Variants in NR5A1 observed in about 807,000 individuals in gnomAD.
NR5A1 encodes the protein steroidogenic factor 1.
Under a neutral mutation model 42.7 loss-of-function variants are expected in NR5A1, and 6 were observed. The ratio of observed to expected loss-of-function variants is 0.14; its 90% CI spans 0.08 to 0.28. The LOEUF (loss-of-function observed/expected upper bound fraction) is 0.28. Among genes scored for constraint, NR5A1 ranks in the 10% least tolerant of loss-of-function variants. NR5A1 has a pLI of 1.00. For missense variants in NR5A1, 442 were observed against 626.4 expected, an observed-to-expected ratio of 0.71 and a Z score of 3.14; for synonymous variants, 274 against 277.5, an observed-to-expected ratio of 0.99 and a Z score of 0.12.
At chr9:124,491,982 C>T (rs1832317448) in intron 5 of NR5A1, among the ~76,000 whole-genome samples, 1 of 152,122 alleles carries the variant, frequency 6.6e-6, no homozygotes, top group African/African-American at 2.4e-5. Context: ...ACTGCAGGCA[C>T]CTGCGCTCAC....
intron 5 of NR5A1, among the ~76,000 whole-genome samples, 169 bp from the exon 6 acceptor site, chr9:124,491,397 C>T (rs1832307018): frequency 6.6e-6 from 1 of 152,144 alleles, no homozygotes; most frequent in South Asian, 2.1e-4. Flanking sequence ...GTAACATCTG[C>T]ACAGCCCCGG....
At position 124,482,416 on chromosome 9, in the gene NR5A1, A is replaced by C. The variant is rs1832139556; in HGVS notation, c.*342T>G. 1.1e-5 allele frequency: 4 copies of C among 376,058 alleles called. No homozygotes were observed. Among genetic ancestry groups the C allele is most frequent in the South Asian group, 2.2e-5 (1 of 44,740 alleles). The allele number at this position is 376,058 out of a possible 1,614,324, so 23.3% of individuals were successfully genotyped here. On this transcript the variant is annotated 3_prime_UTR_variant, in exon 7 of 7. Coordinates refer to ENST00000373588, the MANE Select transcript of NR5A1 (RefSeq NM_004959.5). ...AAGGGACGTCGAGGCCCACCAGGGA[A>C]TCCCGAACCTCCTCCCCGGACCTGC...
In NR5A1 at chr9:124,490,986, C is replaced by T. The variant is rs1832298315; in HGVS notation, c.1138+95G>A. On this transcript the variant is annotated intron_variant, in intron 6 of 6. Transcript: ENST00000373588. ...TCCCCGAGGCTCCTTCGTGGCCACT[C>T]TGGCCACAGCAGGGCTACCTCTCCA... 3 of 1,496,586 alleles carry T rather than the reference C, an allele frequency of 2.0e-6. No individual in the cohort carries two copies. In the South Asian group the frequency reaches 3.7e-5, roughly 18 times the overall value. 92.7% of individuals were successfully genotyped at this position (1,496,586 alleles called of 1,614,324 possible). A position where few individuals can be genotyped will look rare whatever the true frequency, so the allele number is the denominator to read the frequency against.
intron 4 of NR5A1, among the ~76,000 whole-genome samples, chr9:124,495,074 G>A (rs1337921023): frequency 3.3e-5 from 5 of 152,164 alleles, no homozygotes; most frequent in African/African-American, 9.7e-5. Context: ...GGCCCACGTG[G>A]TGGAAAAGAG....
rs1832147997 is a variant in NR5A1, at chr9:124,482,732, G to A, written c.*26C>T. 3 of 266,756 alleles carry A rather than the reference G, an allele frequency of 1.1e-5. No homozygotes were observed. Among genetic ancestry groups the A allele is most frequent in the Non-Finnish European group, 1.8e-5 (3 of 163,622 alleles). 16.5% of individuals were successfully genotyped at this position (266,756 alleles called of 1,614,324 possible). ...GGCCCCGCCCCCAGTCCCGCCCCCA[G>A]TCCCGGCCCCGCCCCCGGCCCAGGC... On this transcript the variant is annotated 3_prime_UTR_variant, in exon 7 of 7. Coordinates refer to ENST00000373588, the MANE Select transcript of NR5A1 (RefSeq NM_004959.5).
intron 1 of NR5A1, among the ~76,000 whole-genome samples, chr9:124,504,638 G>T (rs1053530869): frequency 6.6e-6 from 1 of 151,392 alleles, no homozygotes; most frequent in Non-Finnish European, 1.5e-5. Flanking sequence ...GGCCCGGGAC[G>T]CGAGAGGGGG....
At chr9:124,494,723 G>A (rs1459318881) in intron 4 of NR5A1, among the ~76,000 whole-genome samples, 1 of 150,852 alleles carries the variant, frequency 6.6e-6, no homozygotes, top group African/African-American at 2.5e-5. Context: ...AGACTCAGAG[G>A]GGCCACTCAC....
intron 4 of NR5A1, among the ~76,000 whole-genome samples, chr9:124,493,512 T>C (rs1005859822): frequency 6.6e-6 from 1 of 152,242 alleles, no homozygotes; most frequent in Non-Finnish European, 1.5e-5. Context: ...CTAATGTCCA[T>C]GCAGGTGCTC....
intron 4 of NR5A1, among the ~76,000 whole-genome samples, chr9:124,499,117 GAA>G (rs1373703677): frequency 6.6e-6 from 1 of 152,228 alleles, no homozygotes; most frequent in Admixed American, 6.5e-5. Context: ...AGCCCTGGGT[GAA>G]AGAGTGCCTG....
At position 124,482,716 on chromosome 9, in the gene NR5A1, C is replaced by G; in HGVS notation, c.*42G>C. On this transcript the variant is annotated 3_prime_UTR_variant, in exon 7 of 7. Coordinates refer to ENST00000373588, the MANE Select transcript of NR5A1 (RefSeq NM_004959.5). ...GCTGCGGCCCCGCCCAGGCCCCGCC[C>G]CCAGTCCCGCCCCCAGTCCCGGCCC... The G allele has an allele frequency of 1.3e-6, 1 of 789,398 alleles. No individual in the cohort carries two copies. The highest frequency in any genetic ancestry group is 2.0e-6 in the Non-Finnish European group (1 of 490,090). 48.9% of individuals were successfully genotyped at this position (789,398 alleles called of 1,614,324 possible).
At chr9:124,499,958 T>C (rs953203684) in intron 4 of NR5A1, 132 bp downstream of exon 4, 6 of 1,269,962 alleles carry the variant, frequency 4.7e-6, no homozygotes, top group African/African-American at 4.4e-5. Flanking sequence ...GTCCCCAGGG[T>C]GGCCTCCGGG....
intron 5 of NR5A1, among the ~76,000 whole-genome samples, 190 bp from the exon 6 acceptor site, chr9:124,491,418 G>T (rs939736711): frequency 6.6e-6 from 1 of 152,220 alleles, no homozygotes; most frequent in South Asian, 2.1e-4. Flanking sequence ...GGACGCTGCC[G>T]GGCCCACCCT....
chr9:124,482,721 T>TC lies in NR5A1; in HGVS notation c.*36dup. 4.5e-5 allele frequency: 10 copies of TC among 222,488 alleles called. No homozygotes were observed. The highest frequency in any genetic ancestry group is 1.9e-4 in the East Asian group (1 of 5,154). 13.8% of individuals were successfully genotyped at this position (222,488 alleles called of 1,614,324 possible). ...GGCCCCGCCCAGGCCCCGCCCCCAG[T>TC]CCCGCCCCCAGTCCCGGCCCCGCCC... On this transcript the variant is annotated 3_prime_UTR_variant, in exon 7 of 7. Coordinates refer to ENST00000373588, the MANE Select transcript of NR5A1 (RefSeq NM_004959.5).
intron 5 of NR5A1, 72 bp downstream of exon 5, chr9:124,492,958 G>C (rs1056119294): frequency 1.4e-6 from 2 of 1,474,626 alleles, no homozygotes; most frequent in Non-Finnish European, 1.8e-6. Flanking sequence ...CCTCCTCTCC[G>C]GGGCCCTGAA....
chr9:124,494,326 T>C (rs1832357691), intron 4 of NR5A1, among the ~76,000 whole-genome samples: 1 of 152,046 alleles, frequency 6.6e-6, no homozygotes, highest in Non-Finnish European at 1.5e-5. Context: ...CTCTGTCTAG[T>C]TCCAGATTTG....
chr9:124,485,835 C>G (rs1242755851), intron 6 of NR5A1, among the ~76,000 whole-genome samples: 1 of 152,210 alleles, frequency 6.6e-6, no homozygotes, highest in Non-Finnish European at 1.5e-5. Context: ...CCATCCCTGT[C>G]CCATCTGCCT....
At chr9:124,487,619 T>C (rs1273805906) in intron 6 of NR5A1, among the ~76,000 whole-genome samples, 3 of 152,216 alleles carry the variant, frequency 2.0e-5, no homozygotes, top group Non-Finnish European at 4.4e-5. Flanking sequence ...AGGCGCTGAG[T>C]GAGCCGCAGG....
chr9:124,489,809 GAGGTGGCTTA>G (rs1447186158), intron 6 of NR5A1, among the ~76,000 whole-genome samples: 1 of 147,988 alleles, frequency 6.8e-6, no homozygotes, highest in East Asian at 2.0e-4. Context: ...GGTGTCCTGA[GAGGTGGCTTA>G]AGGTGGCCTT....
intron 6 of NR5A1, 148 bp from the exon 7 acceptor site, chr9:124,483,153 C>T: frequency 6.4e-7 from 1 of 1,560,854 alleles, no homozygotes; most frequent in Non-Finnish European, 8.7e-7. Flanking sequence ...AACATGGTCT[C>T]CCCGTTGGCA....
Sources: gnomAD v4.1 joint callset for allele counts (sites outside exome capture counted in the v4.1 genomes callset) on GRCh38, gnomAD v4.1.1 for gene constraint, MANE v1.5 for transcripts, NCBI Gene and HGNC (gene_info 2026-07-23, HGNC 2026-07-21) for gene names.